PTPRD: variants seen among roughly 807,000 people sequenced by gnomAD.
The protein encoded by PTPRD is protein tyrosine phosphatase receptor type D, also known as receptor-type tyrosine-protein phosphatase delta.
Under a neutral mutation model 214.5 loss-of-function variants are expected in PTPRD, and 34 were observed. The observed-to-expected ratio is 0.16, with a 90% CI of 0.12 to 0.21. The LOEUF (loss-of-function observed/expected upper bound fraction) is 0.21, where lower values mean the gene tolerates loss of function less well. PTPRD is among the 10% of genes least tolerant of loss of function. The pLI, the probability that PTPRD is intolerant of heterozygous loss-of-function variation, is 1.00. For synonymous variants in PTPRD, 1,128 were observed against 845.7 expected, an observed-to-expected ratio of 1.33 and a Z score of -5.79; for missense variants, 2,545 against 2,398.7, an observed-to-expected ratio of 1.06 and a Z score of -1.27.
chr9:10,286,124 C>T (rs893346631), intron 3 of PTPRD, among the ~76,000 whole-genome samples: 2 of 152,008 alleles, frequency 1.3e-5, no homozygotes, highest in Admixed American at 6.6e-5. Context: ...AACAATTATG[C>T]CTTTCAATTC....
intron 9 of PTPRD, among the ~76,000 whole-genome samples, chr9:9,250,144 A>G (rs190738891): frequency 6.6e-6 from 1 of 152,182 alleles, no homozygotes; most frequent in Admixed American, 6.6e-5. Context: ...ATTCTTTAAT[A>G]TATGGCCACA....
chr9:10,262,390 T>C (rs145606098), intron 3 of PTPRD, among the ~76,000 whole-genome samples: 354 of 152,328 alleles, frequency 2.3e-3, no homozygotes, highest in African/African-American at 8.1e-3. Flanking sequence ...TGAGGTAGAC[T>C]CTGTCATCGG....
At chr9:9,567,023 T>A (rs2084767065) in intron 8 of PTPRD, among the ~76,000 whole-genome samples, 1 of 151,780 alleles carries the variant, frequency 6.6e-6, no homozygotes, top group South Asian at 2.1e-4. Flanking sequence ...CCGAGAGAGG[T>A]CAAGTAGATA....
At position 8,338,540 on chromosome 9, in the gene PTPRD, AAAC is replaced by A. The variant is rs1303107992; in HGVS notation, c.5379+379_5379+381del. 2.6e-5 allele frequency among the ~76,000 whole-genome samples: 4 copies of A among 152,214 alleles called. No homozygotes were observed. In the East Asian group the frequency reaches 7.8e-4, roughly 30 times the overall value. On this transcript the variant is annotated intron_variant, in intron 43 of 45. Transcript: ENST00000381196. ...TCCATATGACCTAAAGGGCTTTGCA[AAAC>A]AACAACATATTTAGAGCCTCAAGTA...
rs374298901 is a variant in PTPRD, at chr9:9,982,333, G to C, written c.-471-43723C>G. 1.5e-3 allele frequency among the ~76,000 whole-genome samples: 235 copies of C among 152,226 alleles called. 2 individuals carry two copies. Among genetic ancestry groups the C allele is most frequent in the African/African-American group, 5.5e-3 (227 of 41,524 alleles). On this transcript the variant is annotated intron_variant, in intron 4 of 45. Transcript: ENST00000381196. ...TAATATTGCAACACATTGTCTTTAA[G>C]CTAAAATAGCATTTTTAGGGCACAA...
chr9:8,739,881 G>C (rs768349873), intron 11 of PTPRD, among the ~76,000 whole-genome samples: 3 of 152,064 alleles, frequency 2.0e-5, no homozygotes, highest in Non-Finnish European at 2.9e-5. Context: ...GGGAGTTTCC[G>C]GGCACAAGCT....
At chr9:9,277,959 A>C (rs1946281823) in intron 9 of PTPRD, among the ~76,000 whole-genome samples, 1 of 151,444 alleles carries the variant, frequency 6.6e-6, no homozygotes, top group Non-Finnish European at 1.5e-5. Flanking sequence ...GGATAATTTT[A>C]GGACAACCAG....
intron 9 of PTPRD, among the ~76,000 whole-genome samples, chr9:9,314,110 T>A (rs1336044268): frequency 1.3e-5 from 2 of 152,168 alleles, no homozygotes; most frequent in Admixed American, 1.3e-4. Context: ...ATTATTTGTT[T>A]GTTTGAAGGT....
At chr9:10,119,842 G>A (rs180981163) in intron 3 of PTPRD, among the ~76,000 whole-genome samples, 1 of 152,120 alleles carries the variant, frequency 6.6e-6, no homozygotes, top group African/African-American at 2.4e-5. Flanking sequence ...GAGATAATGA[G>A]AGGTACAGAG....
intron 3 of PTPRD, among the ~76,000 whole-genome samples, chr9:10,230,518 T>A (rs1165791795): frequency 6.6e-6 from 1 of 151,796 alleles, no homozygotes; most frequent in African/African-American, 2.4e-5. Flanking sequence ...TATCTATCTA[T>A]CAAGCACTGA....
At chr9:9,321,922 C>G (rs930828818) in intron 9 of PTPRD, among the ~76,000 whole-genome samples, 1 of 152,142 alleles carries the variant, frequency 6.6e-6, no homozygotes, top group African/African-American at 2.4e-5. Context: ...GATTGAGGTA[C>G]TTTATCGCTC....
At chr9:10,478,540 T>C (rs1777135982) in intron 2 of PTPRD, among the ~76,000 whole-genome samples, 1 of 152,122 alleles carries the variant, frequency 6.6e-6, no homozygotes, top group Admixed American at 6.6e-5. Flanking sequence ...ATGAGACAGT[T>C]AAGCAACATA....
chr9:9,031,058 G>A (rs2154376607), intron 10 of PTPRD, among the ~76,000 whole-genome samples: 1 of 152,034 alleles, frequency 6.6e-6, no homozygotes. Flanking sequence ...CGTGGAAATA[G>A]GGGGAATGGT....
chr9:9,898,549 G>A (rs541019834), intron 5 of PTPRD, among the ~76,000 whole-genome samples: 2 of 151,960 alleles, frequency 1.3e-5, no homozygotes, highest in Non-Finnish European at 2.9e-5. Context: ...CTCTAGATGC[G>A]CATGCTATTT....
At chr9:10,310,432 T>C (rs190474824) in intron 3 of PTPRD, among the ~76,000 whole-genome samples, 68 of 152,186 alleles carry the variant, frequency 4.5e-4, no homozygotes, top group African/African-American at 1.2e-3. Context: ...TAGTCATGCC[T>C]ATTTTAATAA....
In PTPRD at chr9:8,463,637, T is replaced by A. The variant is rs77725085; in HGVS notation, c.3714+1829A>T. 6.0e-3 allele frequency among the ~76,000 whole-genome samples: 913 copies of A among 151,974 alleles called. 9 individuals are homozygous for A. Among genetic ancestry groups the A allele is most frequent in the African/African-American group, 0.02 (849 of 41,494 alleles). On this transcript the variant is annotated intron_variant, in intron 32 of 45. Coordinates refer to ENST00000381196, the MANE Select transcript of PTPRD (RefSeq NM_002839.4). ...ATATGAAAATGAAAAGAAAACAAAATCATAAAATGATACCAGCCTAATGAA... is the reference window on the plus strand; with the variant it reads ...ATATGAAAATGAAAAGAAAACAAAAACATAAAATGATACCAGCCTAATGAA...
intron 3 of PTPRD, among the ~76,000 whole-genome samples, chr9:10,232,816 C>T (rs1479344589): frequency 1.3e-5 from 2 of 152,000 alleles, no homozygotes; most frequent in African/African-American, 4.8e-5. Flanking sequence ...ACTCAACTCA[C>T]ACAAAACAGG....
At chr9:10,303,971 T>C (rs958334630) in intron 3 of PTPRD, among the ~76,000 whole-genome samples, 9 of 152,116 alleles carry the variant, frequency 5.9e-5, no homozygotes, top group African/African-American at 2.2e-4. Flanking sequence ...AAAAGATAAT[T>C]TCAGGCTAAT....
intron 2 of PTPRD, among the ~76,000 whole-genome samples, chr9:10,447,435 C>T (rs2098807871): frequency 6.6e-6 from 1 of 151,920 alleles, no homozygotes; most frequent in Non-Finnish European, 1.5e-5. Context: ...TATCTCTGAA[C>T]ACTCTGGCTT....
Sources: allele counts gnomAD v4.1 joint callset (sites outside exome capture counted in the v4.1 genomes callset), GRCh38; gene constraint gnomAD v4.1.1; transcripts MANE v1.5; gene names NCBI Gene and HGNC (gene_info 2026-07-23, HGNC 2026-07-21).